DCLK2: variants seen among roughly 807,000 people sequenced by gnomAD.
The protein encoded by DCLK2 is serine/threonine-protein kinase DCLK2.
In DCLK2, 31 loss-of-function variants were observed where a neutral mutation model predicts 78.4. The observed-to-expected ratio is 0.40, with a 90% confidence interval of 0.30 to 0.53. DCLK2 has a LOEUF of 0.53. DCLK2 is among the 20% of genes least tolerant of loss of function. The pLI, the probability that DCLK2 is intolerant of heterozygous loss-of-function variation, is 0.61. For synonymous variants in DCLK2, 407 were observed against 374.9 expected (o/e 1.09, Z -0.99); for missense variants, 872 against 973.7 (o/e 0.90, Z 1.39).
At chr4:150,193,942 G>C (rs1365767900) in intron 3 of DCLK2, among the ~76,000 whole-genome samples, 1 of 151,570 alleles carries the variant, frequency 6.6e-6, no homozygotes, top group Non-Finnish European at 1.5e-5. Context: ...TGTAGAGACA[G>C]GGTCTTGCTA....
At chr4:150,135,593 T>G (rs1175646580) in intron 2 of DCLK2, among the ~76,000 whole-genome samples, 1 of 152,108 alleles carries the variant, frequency 6.6e-6, no homozygotes, top group Non-Finnish European at 1.5e-5. Flanking sequence ...GATGCTGCAG[T>G]GAAATGATGT....
intron 3 of DCLK2, 143 bp downstream of exon 3, chr4:150,193,383 A>G (rs1219876834): frequency 2.1e-6 from 1 of 479,066 alleles, no homozygotes; most frequent in African/African-American, 2.0e-5. Context: ...TTTTTGAACC[A>G]ATGAAAATAA....
At chr4:150,178,458 A>G (rs1737244374) in intron 2 of DCLK2, among the ~76,000 whole-genome samples, 1 of 152,064 alleles carries the variant, frequency 6.6e-6, no homozygotes, top group Non-Finnish European at 1.5e-5. Flanking sequence ...AGCCACAGGC[A>G]TGTAGCTTAT....
intron 1 of DCLK2, among the ~76,000 whole-genome samples, chr4:150,081,210 A>G (rs1729240916): frequency 6.6e-6 from 1 of 152,226 alleles, no homozygotes; most frequent in Non-Finnish European, 1.5e-5. Flanking sequence ...AGAAATTTTA[A>G]CAGTGGATTT....
chr4:150,139,343 G>GT (rs1205120346), intron 2 of DCLK2, among the ~76,000 whole-genome samples: 11 of 152,228 alleles, frequency 7.2e-5, no homozygotes, highest in Non-Finnish European at 1.0e-4. Flanking sequence ...CACGTCTGAA[G>GT]TGATGCCAGT....
At chr4:150,245,050 CT>C (rs2126615304) in intron 12 of DCLK2, among the ~76,000 whole-genome samples, 1 of 151,642 alleles carries the variant, frequency 6.6e-6, no homozygotes, top group Admixed American at 6.6e-5. Context: ...TTTTAAATAT[CT>C]TTTTCTAACA....
At chr4:150,199,650 A>G (rs1356303343) in intron 4 of DCLK2, among the ~76,000 whole-genome samples, 1 of 152,244 alleles carries the variant, frequency 6.6e-6, no homozygotes, top group Non-Finnish European at 1.5e-5. Context: ...AAATGTGACA[A>G]TTAACAATGA....
chr4:150,155,827 G>T (rs1735232782), intron 2 of DCLK2, among the ~76,000 whole-genome samples: 2 of 152,166 alleles, frequency 1.3e-5, no homozygotes, highest in Admixed American at 1.3e-4. Flanking sequence ...AGGAAAACGG[G>T]AAGCCTACAG....
At chr4:150,086,632 G>C (rs991370182) in intron 1 of DCLK2, among the ~76,000 whole-genome samples, 1 of 151,630 alleles carries the variant, frequency 6.6e-6, no homozygotes, top group Non-Finnish European at 1.5e-5. Flanking sequence ...TCAGCCTACC[G>C]AGTAGCTGGG....
chr4:150,203,970 G>A, intron 5 of DCLK2, 81 bp downstream of exon 5: 2 of 1,312,318 alleles, frequency 1.5e-6, no homozygotes, highest in Non-Finnish European at 2.2e-6. Flanking sequence ...TTGTTTGGGG[G>A]CTTGAGTACA....
At chr4:150,157,547 C>T (rs79694509) in intron 2 of DCLK2, among the ~76,000 whole-genome samples, 11,795 of 145,110 alleles carry the variant, frequency 0.081, 716 homozygotes, top group East Asian at 0.12. Context: ...GAGTCTCTCT[C>T]TCTTGTTCAG....
At chr4:150,207,715 C>T (rs1739944468) in intron 5 of DCLK2, among the ~76,000 whole-genome samples, 1 of 152,088 alleles carries the variant, frequency 6.6e-6, no homozygotes, top group South Asian at 2.1e-4. Context: ...GTTCTTTAAC[C>T]TTAAACTGAG....
At chr4:150,172,766 G>GTTTTT (rs1736646886) in intron 2 of DCLK2, among the ~76,000 whole-genome samples, 1 of 143,344 alleles carries the variant, frequency 7.0e-6, no homozygotes, top group African/African-American at 2.7e-5. Flanking sequence ...TTTTTGGGGG[G>GTTTTT]GGGGGGGATA....
intron 3 of DCLK2, among the ~76,000 whole-genome samples, chr4:150,196,259 A>C (rs1329414984): frequency 6.6e-6 from 1 of 152,182 alleles, no homozygotes; most frequent in African/African-American, 2.4e-5. Context: ...CCTAGGATAT[A>C]GTTCTGCAGT....
At chr4:150,108,261 C>G (rs1731411083) in intron 2 of DCLK2, among the ~76,000 whole-genome samples, 1 of 151,960 alleles carries the variant, frequency 6.6e-6, no homozygotes, top group South Asian at 2.1e-4. Flanking sequence ...GTAATCCCAG[C>G]ACTTTGGGAT....
At chr4:150,228,313 G>C (rs1241480649) in intron 8 of DCLK2, among the ~76,000 whole-genome samples, 6 of 152,214 alleles carry the variant, frequency 3.9e-5, no homozygotes, top group Non-Finnish European at 7.3e-5. Flanking sequence ...ATTTATCACA[G>C]AAATCACGTG....
At chr4:150,242,108 C>G (rs1742971899) in intron 12 of DCLK2, among the ~76,000 whole-genome samples, 1 of 152,196 alleles carries the variant, frequency 6.6e-6, no homozygotes, top group Non-Finnish European at 1.5e-5. Flanking sequence ...TCTCGGTTTT[C>G]CCATTGCGTT....
chr4:150,231,414 C>G (rs1742048473), intron 8 of DCLK2, among the ~76,000 whole-genome samples: 1 of 152,208 alleles, frequency 6.6e-6, no homozygotes, highest in Non-Finnish European at 1.5e-5. Flanking sequence ...AGATTTTTCT[C>G]CACATGTTAT....
Position 150,186,226 on chromosome 4 carries a change from AT to A in DCLK2, c.757-6901del, listed in dbSNP as rs565177154. On this transcript the variant is annotated intron_variant, in intron 2 of 15. Coordinates refer to ENST00000296550, the MANE Select transcript of DCLK2 (RefSeq NM_001040260.4). ...TGATTCTGAGATGTTATTCATACTG[AT>A]TTTTTTTTTTCCTCAGACGGATTTA... Among the ~76,000 whole-genome samples, 1,049 of 148,336 alleles carry A rather than the reference AT, an allele frequency of 7.1e-3. 4 individuals carry two copies. Among genetic ancestry groups the A allele is most frequent in the Non-Finnish European group, 0.011 (721 of 66,794 alleles).
Sources: gnomAD v4.1 joint callset for allele counts (sites outside exome capture counted in the v4.1 genomes callset) on GRCh38, gnomAD v4.1.1 for gene constraint, MANE v1.5 for transcripts, NCBI Gene and HGNC (gene_info 2026-07-23, HGNC 2026-07-21) for gene names.